The following NALF1 variants were observed in gnomAD, a reference collection of about 807,000 sequenced individuals.
NALF1 encodes family with sequence similarity 155 member A.
In NALF1, 3 loss-of-function variants were observed where a neutral mutation model predicts 48.4. The observed-to-expected ratio is 0.06, with a 90% CI of 0.03 to 0.16. The LOEUF is 0.16. Ranked by LOEUF, NALF1 falls within the 10% of genes least tolerant of loss-of-function variation. The pLI is 1.00. For missense variants in NALF1, 526 were observed against 571.5 expected (o/e 0.92, Z 0.81); for synonymous variants, 262 against 245.7 (o/e 1.07, Z -0.62).
At chr13:107,555,807 A>C (rs1877455229) in intron 1 of NALF1, among the ~76,000 whole-genome samples, 1 of 152,104 alleles carries the variant, frequency 6.6e-6, no homozygotes, top group East Asian at 1.9e-4. Context: ...AAAAAACAAA[A>C]TATGCTTATT....
intron 1 of NALF1, among the ~76,000 whole-genome samples, chr13:107,309,712 CAATT>C (rs1479809581): frequency 6.6e-6 from 1 of 152,144 alleles, no homozygotes; most frequent in Admixed American, 6.5e-5. Context: ...TTCTGAGTCT[CAATT>C]AACATTTTGC....
chr13:107,318,792 G>C (rs1305226129), intron 1 of NALF1, among the ~76,000 whole-genome samples: 1 of 152,024 alleles, frequency 6.6e-6, no homozygotes, highest in Non-Finnish European at 1.5e-5. Flanking sequence ...AAAGATAGGG[G>C]CAAACTAAAG....
chr13:107,386,447 C>G (rs1883532385), intron 1 of NALF1, among the ~76,000 whole-genome samples: 1 of 152,134 alleles, frequency 6.6e-6, no homozygotes, highest in Non-Finnish European at 1.5e-5. Context: ...TGGAAAGTCC[C>G]TCCATAGCTC....
intron 1 of NALF1, among the ~76,000 whole-genome samples, chr13:107,734,806 A>C (rs749040262): frequency 7.2e-5 from 11 of 152,172 alleles, no homozygotes; most frequent in Non-Finnish European, 1.3e-4. Flanking sequence ...CATTGACAGT[A>C]TACGCACCAT....
chr13:107,561,541 T>G lies in NALF1; in HGVS notation c.915+304141A>C, dbSNP rs376031186. Among the ~76,000 whole-genome samples the G allele has an allele frequency of 1.1e-4, 17 of 152,326 alleles. No homozygotes were observed. The East Asian group carries it at 1.7e-3, about 16-fold the overall frequency. On this transcript the variant is annotated intron_variant, in intron 1 of 2. Transcript: ENST00000375915. The stretch of plus-strand genomic sequence containing the variant: ...ATCAGCAATGGTAATTCTGAATTAC[T>G]CAGCCAAGGTGACGTGTGAGATTTC...
At chr13:107,577,574 A>G (rs1878189220) in intron 1 of NALF1, among the ~76,000 whole-genome samples, 1 of 152,222 alleles carries the variant, frequency 6.6e-6, no homozygotes, top group Admixed American at 6.5e-5. Context: ...CGATCTACAT[A>G]TTAACCCTCA....
At position 107,281,611 on chromosome 13, in the gene NALF1, C is replaced by T. The variant is rs9587340; in HGVS notation, c.916-70856G>A. The stretch of plus-strand genomic sequence containing the variant: ...CTCTCCAGGCCTAAGTATATGAAGG[C>T]GGTGCATCCATTGTCCTGACTTCTT... On this transcript the variant is annotated intron_variant, in intron 1 of 2. Coordinates refer to ENST00000375915, the MANE Select transcript of NALF1 (RefSeq NM_001080396.3). Among the ~76,000 whole-genome samples the T allele has an allele frequency of 3.5e-3, 532 of 152,246 alleles. 3 individuals are homozygous for T. Among genetic ancestry groups the T allele is most frequent in the African/African-American group, 0.012 (499 of 41,548 alleles).
At position 107,326,053 on chromosome 13, in the gene NALF1, C is replaced by T. The variant is rs140848319; in HGVS notation, c.916-115298G>A. ...TTTCATCAAATCGTTTCATTAGCCTCGAGTCATCCAAAAAGGAAAATATAC... is the reference window on the plus strand; with the variant it reads ...TTTCATCAAATCGTTTCATTAGCCTTGAGTCATCCAAAAAGGAAAATATAC... On this transcript the variant is annotated intron_variant, in intron 1 of 2. Coordinates refer to ENST00000375915, the MANE Select transcript of NALF1 (RefSeq NM_001080396.3). 3.1e-4 allele frequency among the ~76,000 whole-genome samples: 46 copies of T among 149,770 alleles called. No individual in the cohort carries two copies. In the East Asian group the frequency reaches 6.5e-3, roughly 21 times the overall value.
intron 2 of NALF1, among the ~76,000 whole-genome samples, chr13:107,193,662 G>T (rs1295325908): frequency 6.6e-6 from 1 of 152,116 alleles, no homozygotes; most frequent in Non-Finnish European, 1.5e-5. Context: ...ACCGACCAGA[G>T]AATTCCATTC....
chr13:107,555,277 A>ATTAATTAAT, intron 1 of NALF1, among the ~76,000 whole-genome samples: 1 of 151,284 alleles, frequency 6.6e-6, no homozygotes, highest in Non-Finnish European at 1.5e-5. Flanking sequence ...TAATTAATTA[A>ATTAATTAAT]TTAATTAATT....
At chr13:107,174,725 A>T (rs1878881695) in intron 2 of NALF1, among the ~76,000 whole-genome samples, 1 of 151,794 alleles carries the variant, frequency 6.6e-6, no homozygotes, top group African/African-American at 2.4e-5. Context: ...TCCAATATCC[A>T]TCCAGGAAGC....
chr13:107,752,877 G>A (rs72657237), intron 1 of NALF1, among the ~76,000 whole-genome samples: 20,825 of 152,066 alleles, frequency 0.14, 1,686 homozygotes, highest in Admixed American at 0.24. Context: ...ATAATTATAC[G>A]TATAAAAAAC....
At chr13:107,236,177 T>G (rs1594083150) in intron 1 of NALF1, among the ~76,000 whole-genome samples, 1 of 152,232 alleles carries the variant, frequency 6.6e-6, no homozygotes, top group East Asian at 1.9e-4. Context: ...TATTGTTGGT[T>G]GCTCTCTAGC....
intron 1 of NALF1, among the ~76,000 whole-genome samples, chr13:107,274,582 AT>A (rs1204551030): frequency 1.3e-5 from 2 of 152,124 alleles, no homozygotes; most frequent in African/African-American, 4.8e-5. Context: ...AAATTAATTA[AT>A]TTAAAAAAAA....
intron 1 of NALF1, among the ~76,000 whole-genome samples, chr13:107,682,375 A>T (rs1881329768): frequency 6.6e-6 from 1 of 151,980 alleles, no homozygotes; most frequent in South Asian, 2.1e-4. Context: ...CCTTGCACTC[A>T]TCCTGAGGCT....
intron 1 of NALF1, among the ~76,000 whole-genome samples, chr13:107,737,974 A>T (rs1374258349): frequency 6.6e-6 from 1 of 152,236 alleles, no homozygotes; most frequent in Non-Finnish European, 1.5e-5. Flanking sequence ...TCATAAATAC[A>T]AGCATAAAAA....
intron 1 of NALF1, among the ~76,000 whole-genome samples, chr13:107,627,088 A>G (rs1879693732): frequency 6.6e-6 from 1 of 151,426 alleles, no homozygotes; most frequent in African/African-American, 2.4e-5. Context: ...ATTGAATCAC[A>G]TCCTGTAGAC....
intron 1 of NALF1, among the ~76,000 whole-genome samples, chr13:107,407,215 G>T (rs1447098826): frequency 6.6e-6 from 1 of 151,934 alleles, no homozygotes; most frequent in African/African-American, 2.4e-5. Context: ...AAGATATCTT[G>T]TGTCATACCC....
At chr13:107,510,581 T>A (rs1417019633) in intron 1 of NALF1, among the ~76,000 whole-genome samples, 1 of 152,172 alleles carries the variant, frequency 6.6e-6, no homozygotes, top group Admixed American at 6.5e-5. Flanking sequence ...CTTACTATAA[T>A]CCTGCAACAT....
Sources: allele counts gnomAD v4.1 joint callset (sites outside exome capture counted in the v4.1 genomes callset), GRCh38; gene constraint gnomAD v4.1.1; transcripts MANE v1.5; gene names NCBI Gene and HGNC (gene_info 2026-07-23, HGNC 2026-07-21).